Variants in TXNDC16 observed in about 807,000 individuals in gnomAD.
The protein encoded by TXNDC16 is thioredoxin domain-containing protein 16.
Under a neutral mutation model 85.6 loss-of-function variants are expected in TXNDC16, and 74 were observed. That is an observed-to-expected ratio of 0.86 (90% CI 0.72 to 1.05). TXNDC16 has a LOEUF of 1.05. TXNDC16 is among the 50% of genes least tolerant of loss of function. The pLI is 0.00. For missense variants in TXNDC16, 959 were observed against 947.0 expected, an observed-to-expected ratio of 1.01 and a Z score of -0.17; for synonymous variants, 335 against 326.5, an observed-to-expected ratio of 1.03 and a Z score of -0.28.
At chr14:52,462,875 C>T (rs561468257) in intron 16 of TXNDC16, 3 of 452,828 alleles carry the variant, frequency 6.6e-6, no homozygotes, top group Non-Finnish European at 1.3e-5. Flanking sequence ...AAGTGGAGTA[C>T]TCAGTTCTTC....
chr14:52,455,212 A>G, intron 18 of TXNDC16, 112 bp downstream of exon 18: 6 of 1,231,948 alleles, frequency 4.9e-6, no homozygotes, highest in Non-Finnish European at 6.8e-6. Context: ...TCAGCTCACA[A>G]ATCACCCTGC....
intron 13 of TXNDC16, 54 bp from the exon 14 acceptor site, chr14:52,482,343 C>A: frequency 7.1e-7 from 1 of 1,402,982 alleles, no homozygotes; most frequent in Admixed American, 1.8e-5. Flanking sequence ...ACAAAGCATC[C>A]ACACTGATAT....
At chr14:52,532,779 C>T (rs993332155) in intron 6 of TXNDC16, among the ~76,000 whole-genome samples, 8 of 150,300 alleles carry the variant, frequency 5.3e-5, no homozygotes, top group African/African-American at 1.7e-4. Flanking sequence ...TGTAAGAGTA[C>T]AACAGAAAAA....
chr14:52,488,332 T>C, intron 12 of TXNDC16, 31 bp downstream of exon 12: 1 of 1,608,312 alleles, frequency 6.2e-7, no homozygotes, highest in African/African-American at 1.3e-5. Context: ...CTGGGCAGGA[T>C]GGGGAAGGGG....
At chr14:52,550,115 T>C (rs1438465730) in intron 1 of TXNDC16, among the ~76,000 whole-genome samples, 2 of 152,180 alleles carry the variant, frequency 1.3e-5, no homozygotes, top group Admixed American at 6.5e-5. Context: ...TATTCCCTTA[T>C]GATTAACCAT....
At chr14:52,453,746 C>G (rs2035464811) in intron 18 of TXNDC16, among the ~76,000 whole-genome samples, 1 of 152,096 alleles carries the variant, frequency 6.6e-6, no homozygotes, top group African/African-American at 2.4e-5. Context: ...AGACTGCTAT[C>G]TTTCACCATA....
At chr14:52,530,352 A>G (rs1172111550) in intron 6 of TXNDC16, among the ~76,000 whole-genome samples, 1 of 42,794 alleles carries the variant, frequency 2.3e-5, no homozygotes, top group Non-Finnish European at 3.6e-5. Flanking sequence ...TATATATTAT[A>G]ATATAATATA....
intron 18 of TXNDC16, among the ~76,000 whole-genome samples, chr14:52,453,903 AG>A (rs1430928320): frequency 2.6e-5 from 4 of 152,036 alleles, no homozygotes; most frequent in Non-Finnish European, 5.9e-5. Flanking sequence ...AATGGTGGGG[AG>A]GGGGGAAGTA....
intron 6 of TXNDC16, among the ~76,000 whole-genome samples, chr14:52,535,647 T>C (rs1262277659): frequency 6.6e-6 from 1 of 152,072 alleles, no homozygotes; most frequent in Admixed American, 6.6e-5. Flanking sequence ...AAAGAGAATA[T>C]CAGACTTAAT....
At chr14:52,519,380 G>A in intron 6 of TXNDC16, 87 bp from the exon 7 acceptor site, 1 of 939,688 alleles carries the variant, frequency 1.1e-6, no homozygotes, top group Admixed American at 2.4e-5. Context: ...AACCAAAAGA[G>A]AAATATATCT....
rs1005449905 is a variant in TXNDC16 at position 52,490,954 on chromosome 14, C to T, written c.808G>A (p.Gly270Ser). The T allele has an allele frequency of 1.2e-6, 2 of 1,610,606 alleles. No homozygotes were observed. Among genetic ancestry groups the T allele is most frequent in the Non-Finnish European group, 1.7e-6 (2 of 1,179,092 alleles). ...QQVSTVHLQL[G>S]LPLVFIVSQQ... ...CTAACAATAAAAACCAGTGGTAAGC[C>T]CAGTTGGAGATGGACAGTTGAAACT... Residue 270 changes from glycine to serine, a missense_variant, in exon 10 of 21, where the codon GGC (glycine) becomes AGC (serine). Physicochemically the swap from Gly to Ser is moderately conservative, Grantham distance 56. Transcript: ENST00000281741.
At chr14:52,528,226 A>C (rs981113359) in intron 6 of TXNDC16, among the ~76,000 whole-genome samples, 2 of 152,144 alleles carry the variant, frequency 1.3e-5, no homozygotes, top group African/African-American at 2.4e-5. Flanking sequence ...TCTCAAGCAA[A>C]ACATTCTAAG....
At chr14:52,543,257 A>AT in intron 3 of TXNDC16, 141 bp downstream of exon 3, 1 of 933,324 alleles carries the variant, frequency 1.1e-6, no homozygotes, top group Non-Finnish European at 1.5e-6. Context: ...CACGGGCCGG[A>AT]TTCAAACCCA....
At chr14:52,445,522 T>G (rs1436509223) in intron 18 of TXNDC16, among the ~76,000 whole-genome samples, 1 of 152,220 alleles carries the variant, frequency 6.6e-6, no homozygotes, top group Non-Finnish European at 1.5e-5. Context: ...ATTCTAGCTA[T>G]GTTTAATATG....
At chr14:52,485,593 T>A (rs2036250405) in intron 12 of TXNDC16, among the ~76,000 whole-genome samples, 1 of 152,198 alleles carries the variant, frequency 6.6e-6, no homozygotes, top group South Asian at 2.1e-4. Flanking sequence ...AAGTGTACCA[T>A]TTTTTATCTT....
chr14:52,514,301 A>G (rs549201599), intron 8 of TXNDC16, among the ~76,000 whole-genome samples: 13 of 152,284 alleles, frequency 8.5e-5, no homozygotes, highest in African/African-American at 2.9e-4. Flanking sequence ...AAAAGGTCAT[A>G]CAATCACCAT....
At chr14:52,522,807 C>T (rs1046817388) in intron 6 of TXNDC16, among the ~76,000 whole-genome samples, 1 of 152,150 alleles carries the variant, frequency 6.6e-6, no homozygotes, top group Admixed American at 6.5e-5. Context: ...GACCCAGATT[C>T]TAGGGCTTAT....
In TXNDC16 at chr14:52,486,281, C is replaced by CTTTT. The variant is rs35703912; in HGVS notation, c.1108+2078_1108+2081dup. ...ACACTATTTTCAGTCACACATGCTG[C>CTTTT]TTTTTTTTTTTTTTTTTTTTGAGAC... On this transcript the variant is annotated intron_variant, in intron 12 of 20. Coordinates refer to ENST00000281741, the MANE Select transcript of TXNDC16 (RefSeq NM_020784.3). 1.9e-4 allele frequency among the ~76,000 whole-genome samples: 22 copies of CTTTT among 114,368 alleles called. 2 individuals carry two copies. The highest frequency in any genetic ancestry group is 2.7e-4 in the African/African-American group (8 of 29,844). 75.0% of individuals were successfully genotyped at this position (114,368 alleles called of 152,430 possible). A position where few individuals can be genotyped will look rare whatever the true frequency, so the allele number is the denominator to read the frequency against.
At chr14:52,456,011 C>T (rs956330298) in intron 17 of TXNDC16, among the ~76,000 whole-genome samples, 1 of 152,188 alleles carries the variant, frequency 6.6e-6, no homozygotes, top group Admixed American at 6.5e-5. Context: ...ATAGTCTGTA[C>T]TCTCTCCACT....
Sources: gnomAD v4.1 joint callset for allele counts (sites outside exome capture counted in the v4.1 genomes callset) on GRCh38, gnomAD v4.1.1 for gene constraint, MANE v1.5 for transcripts, NCBI Gene and HGNC (gene_info 2026-07-23, HGNC 2026-07-21) for gene names.